Variants in PPP1R37 observed in about 807,000 individuals in gnomAD.
PPP1R37 encodes the protein leucine rich repeat containing 68.
In PPP1R37, 21 loss-of-function variants were observed where a neutral mutation model predicts 61.0. The ratio of observed to expected loss-of-function variants is 0.34; its 90% CI spans 0.24 to 0.50. The LOEUF is 0.50. Ranked by LOEUF, PPP1R37 falls within the 20% of genes least tolerant of loss-of-function variation. The pLI is 0.98. For missense variants in PPP1R37, 910 were observed against 952.7 expected (o/e 0.96, Z 0.59); for synonymous variants, 443 against 433.5 (o/e 1.02, Z -0.27).
At chr19:45,096,548 T>C (rs1415944731) in intron 1 of PPP1R37, among the ~76,000 whole-genome samples, 1 of 152,170 alleles carries the variant, frequency 6.6e-6, no homozygotes, top group East Asian at 1.9e-4. Flanking sequence ...GTTTTTTGTT[T>C]GTTTGTTTGT....
intron 1 of PPP1R37, among the ~76,000 whole-genome samples, chr19:45,101,277 A>G (rs974587229): frequency 6.6e-6 from 1 of 152,164 alleles, no homozygotes; most frequent in African/African-American, 2.4e-5. Context: ...GGCAGAGAGA[A>G]CCAGCCTGGT....
chr19:45,120,014 C>CTTTTTTTTTTTTTTTTTT (rs11312138), intron 1 of PPP1R37, among the ~76,000 whole-genome samples: 32 of 83,572 alleles, frequency 3.8e-4, no homozygotes, highest in Admixed American at 6.3e-4. Flanking sequence ...TTTTCCCCTT[C>CTTTTTTTTTTTTTTTTTT]TTTTTTTTTT....
intron 1 of PPP1R37, among the ~76,000 whole-genome samples, chr19:45,116,503 C>G (rs1968269141): frequency 6.6e-6 from 1 of 152,222 alleles, no homozygotes; most frequent in South Asian, 2.1e-4. Flanking sequence ...ACCCAGGAAA[C>G]TGCAGGACTC....
intron 2 of PPP1R37, among the ~76,000 whole-genome samples, chr19:45,139,550 C>T (rs955164071): frequency 6.7e-6 from 1 of 150,082 alleles, no homozygotes; most frequent in Non-Finnish European, 1.5e-5. Flanking sequence ...TGCCTGTCCT[C>T]GGGCTGTTGT....
chr19:45,144,720 G>T lies in PPP1R37; in HGVS notation c.988-134G>T, dbSNP rs561658759. 6.8e-4 allele frequency: 497 copies of T among 727,098 alleles called. 3 individuals are homozygous for T. In the African/African-American group the frequency reaches 7.2e-3, roughly 11 times the overall value. The allele number at this position is 727,098 out of a possible 1,614,324, so 45.0% of individuals were successfully genotyped here. ...GCCTGCGGCAGGGCAGGACGGCGCC[G>T]GTGTTCACGCAGGCGCGCGAAAGAA... On this transcript the variant is annotated intron_variant, in intron 8 of 12. Coordinates refer to ENST00000221462, the MANE Select transcript of PPP1R37 (RefSeq NM_019121.2).
chr19:45,103,565 T>G (rs1380044907), intron 1 of PPP1R37, among the ~76,000 whole-genome samples: 1 of 151,780 alleles, frequency 6.6e-6, no homozygotes, highest in Non-Finnish European at 1.5e-5. Context: ...TCCTGTGCAG[T>G]CTTCCCTTTT....
intron 10 of PPP1R37, 41 bp downstream of exon 10, chr19:45,145,301 G>A: frequency 6.6e-7 from 1 of 1,521,144 alleles, no homozygotes; most frequent in South Asian, 1.2e-5. Context: ...GCGGGCGGAA[G>A]GCCGGGTGGT....
intron 1 of PPP1R37, among the ~76,000 whole-genome samples, chr19:45,113,564 C>T (rs1038002963): frequency 6.6e-6 from 1 of 152,198 alleles, no homozygotes; most frequent in Non-Finnish European, 1.5e-5. Context: ...TCTGCAGGCA[C>T]CAGGCATTCA....
At chr19:45,138,462 T>C in intron 1 of PPP1R37, 52 bp from the exon 2 acceptor site, 1 of 1,344,976 alleles carries the variant, frequency 7.4e-7, no homozygotes, top group Non-Finnish European at 1.0e-6. Flanking sequence ...TGGAGCCCCA[T>C]GAAGGACTCG....
At chr19:45,103,103 C>G (rs1405401100) in intron 1 of PPP1R37, among the ~76,000 whole-genome samples, 1 of 152,230 alleles carries the variant, frequency 6.6e-6, no homozygotes, top group African/African-American at 2.4e-5. Context: ...ACCTGTGTCC[C>G]CAGCACCCTC....
intron 4 of PPP1R37, 149 bp downstream of exon 4, chr19:45,140,755 G>A: frequency 1.6e-6 from 1 of 626,432 alleles, no homozygotes; most frequent in Non-Finnish European, 2.8e-6. Flanking sequence ...AGGGCAAGAG[G>A]GAGACATCCA....
intron 5 of PPP1R37, 61 bp downstream of exon 5, chr19:45,141,502 T>G: frequency 9.4e-6 from 14 of 1,496,016 alleles, no homozygotes; most frequent in Non-Finnish European, 1.3e-5. Flanking sequence ...GGAGGCACTT[T>G]CTCAGGGCAT....
chr19:45,137,652 TGA>T (rs1342512032), intron 1 of PPP1R37, among the ~76,000 whole-genome samples: 2 of 152,054 alleles, frequency 1.3e-5, no homozygotes, highest in African/African-American at 4.8e-5. Flanking sequence ...GTTTAGCTGT[TGA>T]GAGTGTTTTG....
chr19:45,105,343 T>C (rs1056759396), intron 1 of PPP1R37, among the ~76,000 whole-genome samples: 17 of 152,050 alleles, frequency 1.1e-4, no homozygotes, highest in Non-Finnish European at 1.8e-4. Context: ...TGCTGTTGAC[T>C]TGCTGGGGGT....
chr19:45,110,774 A>C (rs558072809), intron 1 of PPP1R37, among the ~76,000 whole-genome samples: 291 of 152,310 alleles, frequency 1.9e-3, no homozygotes, highest in Non-Finnish European at 3.7e-3. Context: ...AATTCCAAGC[A>C]CCTGGTTTCC....
chr19:45,093,742 C>T (rs942314846), intron 1 of PPP1R37, among the ~76,000 whole-genome samples: 3 of 152,088 alleles, frequency 2.0e-5, no homozygotes, highest in African/African-American at 7.2e-5. Context: ...CCCCACCCAC[C>T]CGAGACAAAG....
At chr19:45,128,740 T>A in intron 1 of PPP1R37, 1 of 756,930 alleles carries the variant, frequency 1.3e-6, no homozygotes, top group Non-Finnish European at 2.2e-6. Flanking sequence ...AAGGTCCACC[T>A]GGTTGGTATT....
rs896262046 is a variant in PPP1R37 at position 45,145,409 on chromosome 19, C to T, written c.1353C>T (p.Cys451=). 3.3e-6 allele frequency: 5 copies of T among 1,535,426 alleles called. No homozygotes were observed. The highest frequency in any genetic ancestry group is 4.4e-6 in the Non-Finnish European group (5 of 1,146,624). Residue 451 remains cysteine (C), a synonymous_variant, in exon 11 of 13, where the codon TGC becomes TGT. Transcript: ENST00000221462. ...KALLAEIQNG[C]KRNLVLARER... is the part of the protein sequence containing the mutation. ...TGCTGGCCGAGATCCAGAACGGCTG[C>T]AAGCGCAACTTGGTGCTGGCGCGGG...
At position 45,142,104 on chromosome 19, in the gene PPP1R37, T is replaced by C; in HGVS notation, c.611T>C (p.Leu204Pro). ...CTGGACGCCCGCAACACGCCCCTGC[T>C]GGACCACTCGGCGCCCTTCGTGGCC... is the stretch of plus-strand genomic sequence containing the variant. ...QYLDARNTPL[L>P]DHSAPFVARA... is the part of the protein sequence containing the mutation. Residue 204 changes from leucine to proline, a missense_variant, in exon 6 of 13, where the codon CTG becomes CCG. By Grantham distance (98) the Leu-to-Pro change is moderately conservative. Around this residue, in one of 3 missense-constraint regions of PPP1R37, gnomAD observed 280 missense variants for 382.2 expected, o/e 0.73. Transcript: ENST00000221462. 6.5e-7 allele frequency: 1 copy of C among 1,533,430 alleles called. No homozygotes were observed. Among genetic ancestry groups the C allele is most frequent in the Non-Finnish European group, 8.7e-7 (1 of 1,145,804 alleles). The allele number at this position is 1,533,430 out of a possible 1,614,324, so 95.0% of individuals were successfully genotyped here. A position where few individuals can be genotyped will look rare whatever the true frequency, so the allele number is the denominator to read the frequency against.
Sources: allele counts gnomAD v4.1 joint callset (sites outside exome capture counted in the v4.1 genomes callset), GRCh38; gene constraint gnomAD v4.1.1; regional missense constraint gnomAD v4.1.1; transcripts MANE v1.5; gene names NCBI Gene and HGNC (gene_info 2026-07-23, HGNC 2026-07-21).